Variants in KIZ observed in about 807,000 individuals in gnomAD.
KIZ encodes the protein kizuna centrosomal protein, also known as centrosomal protein kizuna.
KIZ carries 68 observed loss-of-function variants against 79.6 expected under a neutral mutation model. That is an observed-to-expected ratio of 0.85 (90% confidence interval 0.70 to 1.05). The LOEUF (loss-of-function observed/expected upper bound fraction) is 1.05. KIZ is among the 50% of genes least tolerant of loss of function. The pLI is 0.00. For missense variants in KIZ, 797 were observed against 800.4 expected, an observed-to-expected ratio of 1.00 and a Z score of 0.05; for synonymous variants, 280 against 281.8, an observed-to-expected ratio of 0.99 and a Z score of 0.06.
At chr20:21,204,640 C>T (rs1477473335) in intron 6 of KIZ, among the ~76,000 whole-genome samples, 1 of 134,294 alleles carries the variant, frequency 7.4e-6, no homozygotes, top group Non-Finnish European at 1.6e-5. Flanking sequence ...TTGAGAGCTT[C>T]CTTACTTTCT....
intron 4 of KIZ, among the ~76,000 whole-genome samples, chr20:21,157,161 A>G (rs2033425893): frequency 6.6e-6 from 1 of 152,184 alleles, no homozygotes; most frequent in Non-Finnish European, 1.5e-5. Context: ...AATACTGGCA[A>G]CAACTAGAAA....
At chr20:21,211,017 T>C (rs561089193) in intron 7 of KIZ, among the ~76,000 whole-genome samples, 1 of 152,292 alleles carries the variant, frequency 6.6e-6, no homozygotes, top group South Asian at 2.1e-4. Flanking sequence ...TTTTTAGCAG[T>C]TTAATTTTTG....
At chr20:21,126,038 T>C (rs1056694770), upstream of KIZ, 179 of 1,400,172 alleles carry the variant, frequency 1.3e-4, no homozygotes, top group Admixed American at 4.4e-4. Flanking sequence ...CCGCGGTGCA[T>C]GGTGGGGCGG....
chr20:21,138,301 C>T (rs553786014), intron 3 of KIZ, among the ~76,000 whole-genome samples: 72 of 152,114 alleles, frequency 4.7e-4, no homozygotes, highest in African/African-American at 1.7e-3. Context: ...TAGAGTGATC[C>T]GCATTCTGAA....
At chr20:21,127,590 A>G (rs2031563431) in intron 1 of KIZ, among the ~76,000 whole-genome samples, 1 of 152,220 alleles carries the variant, frequency 6.6e-6, no homozygotes, top group Admixed American at 6.5e-5. Flanking sequence ...ACGGTTCTGC[A>G]TTTCGAGATT....
intron 6 of KIZ, among the ~76,000 whole-genome samples, chr20:21,190,150 A>G (rs1407602035): frequency 2.0e-5 from 3 of 152,180 alleles, no homozygotes; most frequent in Admixed American, 6.5e-5. Context: ...TTTTCCCAGG[A>G]CACTAATTCT....
chr20:21,142,071 T>C (rs189034624), intron 3 of KIZ, among the ~76,000 whole-genome samples: 3 of 150,678 alleles, frequency 2.0e-5, no homozygotes, highest in Admixed American at 1.3e-4. Context: ...TCTACATCTT[T>C]ATCTCCCGCA....
chr20:21,163,188 G>A, intron 6 of KIZ, 29 bp downstream of exon 6: 1 of 1,482,420 alleles, frequency 6.7e-7, no homozygotes, highest in Non-Finnish European at 9.2e-7. Context: ...TTTTTCTACT[G>A]TTCTGTTTTT....
At chr20:21,178,434 A>C (rs1487427465) in intron 6 of KIZ, among the ~76,000 whole-genome samples, 1 of 151,418 alleles carries the variant, frequency 6.6e-6, no homozygotes. Context: ...TTTGTATCCT[A>C]CAACTTTACT....
At chr20:21,149,435 G>A (rs1399785584) in intron 4 of KIZ, among the ~76,000 whole-genome samples, 6 of 152,196 alleles carry the variant, frequency 3.9e-5, no homozygotes, top group African/African-American at 1.4e-4. Context: ...AGAAGCGTCC[G>A]TTTCGGTTGG....
At position 21,244,174 on chromosome 20, in the gene KIZ, C is replaced by G; in HGVS notation, c.1881-71C>G. ...GAATCAAAGTGCTTCTTCTCTAATG[C>G]GTTCATTATGAAAATATTAGTCTCA... On this transcript the variant is annotated intron_variant, in intron 11 of 12. Transcript: ENST00000619189. The G allele has an allele frequency of 2.9e-6, 3 of 1,051,740 alleles. No homozygotes were observed. In the South Asian group the frequency reaches 4.0e-5, roughly 14 times the overall value. 65.2% of individuals were successfully genotyped at this position (1,051,740 alleles called of 1,614,324 possible).
At chr20:21,179,540 AT>A (rs1367046669) in intron 6 of KIZ, among the ~76,000 whole-genome samples, 2 of 150,008 alleles carry the variant, frequency 1.3e-5, no homozygotes, top group Admixed American at 6.6e-5. Context: ...AGTTTTATTG[AT>A]TTTTTTTCCT....
At chr20:21,201,217 T>A (rs2035585225) in intron 6 of KIZ, among the ~76,000 whole-genome samples, 1 of 152,164 alleles carries the variant, frequency 6.6e-6, no homozygotes, top group South Asian at 2.1e-4. Context: ...AAGTTTACTA[T>A]TATCATGTGG....
chr20:21,153,278 T>C (rs1400184371), intron 4 of KIZ, among the ~76,000 whole-genome samples: 1 of 152,176 alleles, frequency 6.6e-6, no homozygotes, highest in Non-Finnish European at 1.5e-5. Flanking sequence ...GATCCTGGAT[T>C]CTTGCCACTT....
At chr20:21,239,974 G>A (rs1337439658) in intron 11 of KIZ, among the ~76,000 whole-genome samples, 3 of 152,168 alleles carry the variant, frequency 2.0e-5, no homozygotes, top group African/African-American at 4.8e-5. Context: ...GAGATGTGAT[G>A]AAGTCAGTAC....
At chr20:21,158,175 A>G (rs544898463) in intron 4 of KIZ, among the ~76,000 whole-genome samples, 6 of 152,218 alleles carry the variant, frequency 3.9e-5, no homozygotes, top group South Asian at 2.1e-4. Context: ...TGTAATATAT[A>G]TCAGCTTTTT....
chr20:21,136,458 AT>A lies in KIZ; in HGVS notation c.222del (p.His74GlnfsTer8). 1 of 1,584,460 alleles carries A rather than the reference AT, an allele frequency of 6.3e-7. No homozygotes were observed. Among genetic ancestry groups the A allele is most frequent in the Non-Finnish European group, 8.6e-7 (1 of 1,160,330 alleles). ...ATATGTGAATCTGAAAAGAAGGCTCATACTCGAAACCAAGAATATTTAAAGC... is the reference window on the plus strand; with the variant it reads ...ATATGTGAATCTGAAAAGAAGGCTCAACTCGAAACCAAGAATATTTAAAGC... ...KEICESEKKA[H>X]TRNQEYLKRF... On this transcript the variant is annotated frameshift_variant, in exon 3 of 13. Transcript: ENST00000619189. LOFTEE classifies it high-confidence loss of function.
intron 8 of KIZ, among the ~76,000 whole-genome samples, chr20:21,215,207 C>T (rs1020538580): frequency 4.6e-5 from 7 of 152,218 alleles, no homozygotes; most frequent in Non-Finnish European, 8.8e-5. Context: ...AGCATTACTG[C>T]TAAGACATGC....
intron 6 of KIZ, among the ~76,000 whole-genome samples, chr20:21,173,967 A>C (rs2034330422): frequency 6.6e-6 from 1 of 152,204 alleles, no homozygotes; most frequent in African/African-American, 2.4e-5. Context: ...GCATGACTCC[A>C]CATTCAGGGT....
Sources: gnomAD v4.1 joint callset for allele counts (sites outside exome capture counted in the v4.1 genomes callset) on GRCh38, gnomAD v4.1.1 for gene constraint, MANE v1.5 for transcripts, NCBI Gene and HGNC (gene_info 2026-07-23, HGNC 2026-07-21) for gene names.